The following GNA12 variants were observed in gnomAD, a reference collection of about 807,000 sequenced individuals.
GNA12 encodes guanine nucleotide-binding protein subunit alpha-12.
In GNA12, 9 loss-of-function variants were observed where a neutral mutation model predicts 26.0. That is an observed-to-expected ratio of 0.35 (90% CI 0.21 to 0.60). The LOEUF is 0.60. Ranked by LOEUF, GNA12 falls within the 20% of genes least tolerant of loss-of-function variation. GNA12 has a pLI of 0.78. For missense variants in GNA12, 405 were observed against 525.8 expected (o/e 0.77, Z 2.25); for synonymous variants, 264 against 219.6 (o/e 1.20, Z -1.79).
chr7:2,778,592 T>A (rs1452575655), intron 2 of GNA12, among the ~76,000 whole-genome samples: 1 of 152,180 alleles, frequency 6.6e-6, no homozygotes, highest in African/African-American at 2.4e-5. Context: ...GGGAGATGAA[T>A]GGAAGAAAAT....
At chr7:2,751,872 A>G (rs1791057538) in intron 2 of GNA12, among the ~76,000 whole-genome samples, 2 of 152,188 alleles carry the variant, frequency 1.3e-5, no homozygotes, top group African/African-American at 2.4e-5. Flanking sequence ...AACAACAACA[A>G]AACTTCCCCA....
chr7:2,760,444 T>A (rs1791503437), intron 2 of GNA12: 1 of 152,438 alleles, frequency 6.6e-6, no homozygotes, highest in African/African-American at 2.4e-5. Flanking sequence ...CCGGACGCTG[T>A]GGTAAGCACC....
chr7:2,776,822 T>C lies in GNA12; in HGVS notation c.525+18106A>G, dbSNP rs532378945. ...CGTCGGGGCCAGGAGAGGTGGCTCA[T>C]GCCTGTAATCCAGGGACTTTGGGAG... On this transcript the variant is annotated intron_variant, in intron 2 of 3. Transcript: ENST00000275364. Among the ~76,000 whole-genome samples, 11 of 152,232 alleles carry C rather than the reference T, an allele frequency of 7.2e-5. No individual in the cohort carries two copies. The South Asian group carries it at 1.7e-3, about 23-fold the overall frequency.
intron 1 of GNA12, 67 bp downstream of exon 1, chr7:2,843,786 G>A: frequency 4.7e-6 from 4 of 850,516 alleles, no homozygotes; most frequent in South Asian, 2.5e-5. Flanking sequence ...ACCACGGAGG[G>A]GCCCGGGGCG....
At chr7:2,822,802 A>G (rs929191637) in intron 1 of GNA12, among the ~76,000 whole-genome samples, 1 of 152,126 alleles carries the variant, frequency 6.6e-6, no homozygotes, top group South Asian at 2.1e-4. Flanking sequence ...ACAGAGTAAG[A>G]CTCCGTTTCC....
chr7:2,751,573 T>G (rs574864115), intron 2 of GNA12, among the ~76,000 whole-genome samples: 2 of 151,962 alleles, frequency 1.3e-5, no homozygotes, highest in Non-Finnish European at 2.9e-5. Context: ...ATAGAAACAA[T>G]TAACAAGGCC....
chr7:2,835,940 C>T (rs17241904), intron 1 of GNA12: 60,694 of 519,480 alleles, frequency 0.12, 4,241 homozygotes, highest in Middle Eastern at 0.19. Context: ...AAAGTCGAAG[C>T]AATTCAGTGG....
rs545755899 is a variant in GNA12, at chr7:2,817,503, G to A, written c.310-22360C>T. On this transcript the variant is annotated intron_variant, in intron 1 of 3. Coordinates refer to ENST00000275364, the MANE Select transcript of GNA12 (RefSeq NM_007353.3). ...CCACCCCATGTCCACCTGCTCTCTC[G>A]CCCTCACTCACTCTGCTCTGCCCAC... Among the ~76,000 whole-genome samples, 268 of 152,076 alleles carry A rather than the reference G, an allele frequency of 1.8e-3. 1 individual carries two copies. The highest frequency in any genetic ancestry group is 6.4e-3 in the African/African-American group (266 of 41,490).
chr7:2,752,246 A>G (rs1334835434), intron 2 of GNA12, among the ~76,000 whole-genome samples: 2 of 151,252 alleles, frequency 1.3e-5, no homozygotes, highest in East Asian at 3.9e-4. Flanking sequence ...CTCAGGGCTT[A>G]AAAAAAAAGT....
chr7:2,784,918 C>T (rs1792320943), intron 2 of GNA12, among the ~76,000 whole-genome samples: 2 of 152,202 alleles, frequency 1.3e-5, no homozygotes, highest in Admixed American at 1.3e-4. Context: ...CTTGCTGTCA[C>T]ATAAAGTATT....
chr7:2,748,368 T>C (rs1410624023), intron 2 of GNA12, among the ~76,000 whole-genome samples: 2 of 152,150 alleles, frequency 1.3e-5, no homozygotes, highest in Admixed American at 6.5e-5. Flanking sequence ...TATCTACAAC[T>C]ATCTGATCTT....
At chr7:2,766,076 T>C (rs533349722) in intron 2 of GNA12, among the ~76,000 whole-genome samples, 6 of 152,338 alleles carry the variant, frequency 3.9e-5, no homozygotes, top group African/African-American at 1.4e-4. Flanking sequence ...CAAAACTTTT[T>C]CATCTTGCAA....
At chr7:2,791,929 C>T (rs967826013) in intron 2 of GNA12, among the ~76,000 whole-genome samples, 1 of 152,108 alleles carries the variant, frequency 6.6e-6, no homozygotes, top group Admixed American at 6.5e-5. Flanking sequence ...CACCCACCAC[C>T]CAATAAACAA....
intron 2 of GNA12, among the ~76,000 whole-genome samples, chr7:2,766,474 T>C (rs1002615311): frequency 2.0e-5 from 3 of 151,150 alleles, no homozygotes; most frequent in African/African-American, 7.3e-5. Context: ...CAACCTCCGC[T>C]TCCCAGGTTC....
intron 2 of GNA12, among the ~76,000 whole-genome samples, chr7:2,781,290 T>A (rs144949930): frequency 1.3e-5 from 2 of 152,246 alleles, no homozygotes; most frequent in Non-Finnish European, 2.9e-5. Flanking sequence ...CTCTCCTACA[T>A]CAAGATCATG....
intron 2 of GNA12, among the ~76,000 whole-genome samples, chr7:2,747,105 G>C (rs546898142): frequency 4.6e-5 from 7 of 152,292 alleles, no homozygotes; most frequent in African/African-American, 1.7e-4. Context: ...GGAGGAGCTG[G>C]CACCATTCCT....
At chr7:2,798,195 G>A (rs559039508) in intron 1 of GNA12, among the ~76,000 whole-genome samples, 385 of 152,156 alleles carry the variant, frequency 2.5e-3, no homozygotes, top group Non-Finnish European at 4.0e-3. Context: ...GAAAAGCAGG[G>A]GGGAAAACAA....
At chr7:2,740,674 T>C (rs1414715997) in intron 2 of GNA12, among the ~76,000 whole-genome samples, 4 of 152,240 alleles carry the variant, frequency 2.6e-5, no homozygotes, top group Non-Finnish European at 5.9e-5. Flanking sequence ...AATGGGTTTA[T>C]GAGTATCTGT....
chr7:2,740,984 G>A (rs978721351), intron 2 of GNA12, among the ~76,000 whole-genome samples: 1 of 152,246 alleles, frequency 6.6e-6, no homozygotes, highest in African/African-American at 2.4e-5. Context: ...GGCAGAGCTT[G>A]CAGTGAGCTG....
Sources: allele counts gnomAD v4.1 joint callset (sites outside exome capture counted in the v4.1 genomes callset), GRCh38; gene constraint gnomAD v4.1.1; transcripts MANE v1.5; gene names NCBI Gene and HGNC (gene_info 2026-07-23, HGNC 2026-07-21).